Variants in UBE2V1 observed in about 807,000 individuals in gnomAD.
The protein encoded by UBE2V1 is ubiquitin-conjugating enzyme E2 variant 1.
In UBE2V1, 15 loss-of-function variants were observed where a neutral mutation model predicts 19.6. The observed-to-expected ratio is 0.77, with a 90% confidence interval of 0.51 to 1.18. The LOEUF (loss-of-function observed/expected upper bound fraction) is 1.18, where lower values mean the gene tolerates loss of function less well. Among genes scored for constraint, UBE2V1 ranks in the 50% most tolerant of loss-of-function variants. UBE2V1 has a pLI of 0.00. For synonymous variants in UBE2V1, 60 were observed against 60.7 expected (o/e 0.99, Z 0.05); for missense variants, 125 against 184.8 (o/e 0.68, Z 1.88).
chr20:50,111,288 C>T, intron 1 of UBE2V1: 1 of 988,018 alleles, frequency 1.0e-6, no homozygotes, highest in South Asian at 4.7e-5. Context: ...GAAGCACTCA[C>T]TTTTTAACTG....
chr20:50,097,517 A>G (rs1050016564), intron 1 of UBE2V1, among the ~76,000 whole-genome samples: 1 of 152,112 alleles, frequency 6.6e-6, no homozygotes, highest in Admixed American at 6.5e-5. Flanking sequence ...CTGAGGCTTG[A>G]GCCATTTCTA....
At chr20:50,112,581 C>A (rs1362584605) in intron 1 of UBE2V1, among the ~76,000 whole-genome samples, 1 of 152,204 alleles carries the variant, frequency 6.6e-6, no homozygotes, top group African/African-American at 2.4e-5. Flanking sequence ...AACGCCGGAG[C>A]CGTTCCCTCA....
chr20:50,109,120 A>G, intron 1 of UBE2V1: 3 of 985,358 alleles, frequency 3.0e-6, no homozygotes, highest in Non-Finnish European at 3.6e-6. Flanking sequence ...GGCTGTGGAG[A>G]GTTAGATGAG....
upstream of UBE2V1, chr20:50,115,475 G>A (rs1279779583): frequency 6.4e-7 from 1 of 1,562,436 alleles, no homozygotes; most frequent in Non-Finnish European, 8.7e-7. Flanking sequence ...GGTTCCTAAG[G>A]TGGACTCACC....
intron 2 of UBE2V1, among the ~76,000 whole-genome samples, chr20:50,089,448 T>C (rs2079099613): frequency 6.6e-6 from 1 of 152,210 alleles, no homozygotes; most frequent in Non-Finnish European, 1.5e-5. Context: ...ACAGGCAAAC[T>C]GGATACAGCA....
chr20:50,106,833 T>G (rs2080393211), intron 1 of UBE2V1, among the ~76,000 whole-genome samples: 1 of 148,062 alleles, frequency 6.8e-6, no homozygotes, highest in East Asian at 2.0e-4. Context: ...GAAACTCTGT[T>G]TCAAAACCAA....
At chr20:50,088,579 A>G (rs2079052211) in intron 2 of UBE2V1, among the ~76,000 whole-genome samples, 1 of 152,180 alleles carries the variant, frequency 6.6e-6, no homozygotes, top group Admixed American at 6.5e-5. Context: ...TGAGCCCAGG[A>G]GTTCAAGACC....
rs6020245 is a variant in UBE2V1 at position 50,088,524 on chromosome 20, G to A, written c.172-4270C>T. On this transcript the variant is annotated intron_variant, in intron 2 of 3. Transcript: ENST00000371674. ...AGCTAGGCTAGGCACGGTGGCCCAC[G>A]CCTGTAATCTCAGCACTTTGGGAGG... Among the ~76,000 whole-genome samples the A allele has an allele frequency of 1.4e-3, 219 of 152,272 alleles. 2 individuals are homozygous for A. Among genetic ancestry groups the A allele is most frequent in the African/African-American group, 4.9e-3 (203 of 41,548 alleles).
intron 2 of UBE2V1, among the ~76,000 whole-genome samples, chr20:50,091,826 T>A (rs1353309490): frequency 6.6e-6 from 1 of 152,192 alleles, no homozygotes; most frequent in Admixed American, 6.5e-5. Context: ...AAGATATATA[T>A]TTACGTTTGC....
At chr20:50,083,972 G>T (rs1055261910) in intron 3 of UBE2V1, 157 bp downstream of exon 3, 85 of 1,184,446 alleles carry the variant, frequency 7.2e-5, no homozygotes, top group Non-Finnish European at 9.2e-5. Context: ...TTGGGAAACA[G>T]GCCCCATCCC....
Position 50,097,854 on chromosome 20 carries a change from T to A in UBE2V1, c.23-1034A>T, listed in dbSNP as rs150451144. 2.6e-3 allele frequency among the ~76,000 whole-genome samples: 397 copies of A among 152,168 alleles called. 2 individuals are homozygous for A. Among genetic ancestry groups the A allele is most frequent in the African/African-American group, 9.0e-3 (375 of 41,520 alleles). On this transcript the variant is annotated intron_variant, in intron 1 of 3. Transcript: ENST00000371674. The stretch of plus-strand genomic sequence containing the variant: ...TGGAGGGACCCCAGATTGTGGGAGG[T>A]GTTGCCAGTATATGTATTTCCCAAA...
chr20:50,089,943 T>C (rs1428782786), intron 2 of UBE2V1, among the ~76,000 whole-genome samples: 2 of 152,194 alleles, frequency 1.3e-5, no homozygotes, highest in African/African-American at 4.8e-5. Flanking sequence ...GAGCTGGTTC[T>C]GGGCTTCAGT....
At chr20:50,105,113 A>C (rs889093231) in intron 1 of UBE2V1, among the ~76,000 whole-genome samples, 2 of 152,250 alleles carry the variant, frequency 1.3e-5, no homozygotes, top group African/African-American at 4.8e-5. Flanking sequence ...CCCAAATCAC[A>C]TAAGTCAAAG....
intron 2 of UBE2V1, chr20:50,096,169 C>T (rs1395718584): frequency 1.9e-5 from 3 of 155,296 alleles, no homozygotes; most frequent in Non-Finnish European, 4.3e-5. Context: ...TTTGCAAAGG[C>T]CTCTGGGTCT....
chr20:50,091,633 T>C (rs2079234783), intron 2 of UBE2V1, among the ~76,000 whole-genome samples: 1 of 152,004 alleles, frequency 6.6e-6, no homozygotes, highest in African/African-American at 2.4e-5. Context: ...CCTCAGGTGA[T>C]CTGCCCGCCT....
intron 2 of UBE2V1, among the ~76,000 whole-genome samples, chr20:50,091,041 T>C (rs1195128139): frequency 6.6e-6 from 1 of 152,082 alleles, no homozygotes; most frequent in Non-Finnish European, 1.5e-5. Context: ...ATACTCTGTA[T>C]TGTTGGAAAA....
chr20:50,088,467 T>C (rs559848180), intron 2 of UBE2V1, among the ~76,000 whole-genome samples: 2 of 152,262 alleles, frequency 1.3e-5, no homozygotes, highest in African/African-American at 4.8e-5. Context: ...CCTGTAAGTA[T>C]TAGAAAATAA....
chr20:50,101,991 TC>T (rs888719307), intron 1 of UBE2V1, among the ~76,000 whole-genome samples: 2 of 152,106 alleles, frequency 1.3e-5, no homozygotes, highest in African/African-American at 2.4e-5. Flanking sequence ...TTAAGGGTAA[TC>T]GGGGGGAGCT....
chr20:50,087,114 G>C (rs2078962219), intron 2 of UBE2V1, among the ~76,000 whole-genome samples: 1 of 151,676 alleles, frequency 6.6e-6, no homozygotes, highest in Non-Finnish European at 1.5e-5. Flanking sequence ...CCCAAGCTAA[G>C]GCTGGGTGCG....
Sources: allele counts gnomAD v4.1 joint callset (sites outside exome capture counted in the v4.1 genomes callset), GRCh38; gene constraint gnomAD v4.1.1; transcripts MANE v1.5; gene names NCBI Gene and HGNC (gene_info 2026-07-23, HGNC 2026-07-21).